COL8A2: variants seen among roughly 807,000 people sequenced by gnomAD.
The protein encoded by COL8A2 is collagen alpha-2(VIII) chain.
Under a neutral mutation model 24.0 loss-of-function variants are expected in COL8A2, and 16 were observed. The ratio of observed to expected loss-of-function variants is 0.67; its 90% confidence interval spans 0.45 to 1.01. COL8A2 has a LOEUF of 1.01. Among genes scored for constraint, COL8A2 ranks in the 50% least tolerant of loss-of-function variants. COL8A2 has a pLI of 0.00. For missense variants in COL8A2, 818 were observed against 942.4 expected (o/e 0.87, Z 1.73); for synonymous variants, 466 against 424.5 (o/e 1.10, Z -1.20).
chr1:36,104,096 C>T (rs146857517), intron 2 of COL8A2, among the ~76,000 whole-genome samples: 2 of 151,584 alleles, frequency 1.3e-5, no homozygotes, highest in Non-Finnish European at 2.9e-5. Context: ...TGGGGGGCTG[C>T]GGCAGGAGAA....
chr1:36,117,583 G>A (rs1643886016), intron 1 of COL8A2, among the ~76,000 whole-genome samples: 1 of 152,162 alleles, frequency 6.6e-6, no homozygotes, highest in Non-Finnish European at 1.5e-5. Context: ...TGTGTGCCAG[G>A]TACCGTTCTG....
At chr1:36,103,419 C>G (rs1643708213) in intron 2 of COL8A2, among the ~76,000 whole-genome samples, 2 of 152,120 alleles carry the variant, frequency 1.3e-5, no homozygotes, top group South Asian at 4.1e-4. Flanking sequence ...ACTACAGGCG[C>G]CCGCCAACAC....
intron 1 of COL8A2, among the ~76,000 whole-genome samples, chr1:36,119,533 C>T (rs1016091541): frequency 3.9e-5 from 6 of 152,244 alleles, no homozygotes; most frequent in African/African-American, 7.2e-5. Flanking sequence ...AATCCAGCCC[C>T]TGCTGCCGCT....
chr1:36,096,200 C>G lies in COL8A2; in HGVS notation c.*1369G>C, dbSNP rs953980683. The stretch of plus-strand genomic sequence containing the variant: ...TGCGGGGAAAGTGGCCATCTTTGCA[C>G]GAGCAGGAATGTCCACCACTCCCAG... On this transcript the variant is annotated 3_prime_UTR_variant, in exon 4 of 4. Coordinates refer to ENST00000397799, the MANE Select transcript of COL8A2 (RefSeq NM_005202.4). The G allele has an allele frequency of 6.6e-6, 1 of 152,322 alleles. No individual in the cohort carries two copies. Among genetic ancestry groups the G allele is most frequent in the Admixed American group, 6.5e-5 (1 of 15,286 alleles). The allele number at this position is 152,322 out of a possible 1,614,324, so 9.4% of individuals were successfully genotyped here.
In COL8A2 at chr1:36,098,442, A is replaced by T; in HGVS notation, c.1239T>A (p.Leu413=). 6.3e-7 allele frequency: 1 copy of T among 1,587,290 alleles called. No homozygotes were observed. Among genetic ancestry groups the T allele is most frequent in the Non-Finnish European group, 8.6e-7 (1 of 1,167,470 alleles). The change falls in exon 4 of 4, where the codon CTT becomes CTA. Residue 413 remains leucine (L), a synonymous_variant. Coordinates refer to ENST00000397799, the MANE Select transcript of COL8A2 (RefSeq NM_005202.4). ...GKPGVPGERG[L]PGAHGPPGPT... ...GTCCAGGGGGTCCATGGGCCCCAGG[A>T]AGTCCCCTCTCACCTGGGACCCCTG...
At chr1:36,099,982 T>G in intron 3 of COL8A2, 68 bp downstream of exon 3, 11 of 1,467,292 alleles carry the variant, frequency 7.5e-6, no homozygotes, top group Non-Finnish European at 1.0e-5. Flanking sequence ...ATCTGATGGC[T>G]CTCAGGGAGG....
intron 2 of COL8A2, among the ~76,000 whole-genome samples, chr1:36,114,129 T>C (rs1327782446): frequency 2.0e-5 from 3 of 149,084 alleles, no homozygotes; most frequent in Non-Finnish European, 3.0e-5. Context: ...CTATCCTGGC[T>C]AACATGGTGA....
intron 2 of COL8A2, among the ~76,000 whole-genome samples, chr1:36,100,498 C>A (rs1177523050): frequency 1.3e-5 from 2 of 152,136 alleles, no homozygotes; most frequent in African/African-American, 4.8e-5. Flanking sequence ...CCACCATCTC[C>A]GAGAGCCCAG....
At position 36,115,657 on chromosome 1, in the gene COL8A2, G is replaced by A. The variant is rs1289896276; in HGVS notation, c.-17+51C>T. Reference sequence around the variant, plus strand: ...TGAGGTTAGACAGCAATGAACACAGGCCTCATCTGGCCTGAGATATCAGAA... The same window carrying A: ...TGAGGTTAGACAGCAATGAACACAGACCTCATCTGGCCTGAGATATCAGAA... On this transcript the variant is annotated intron_variant, in intron 2 of 3. Coordinates refer to ENST00000397799, the MANE Select transcript of COL8A2 (RefSeq NM_005202.4). This position sits in a 1 kb window ranked among gnomAD's most constrained non-coding sequence, Gnocchi z 5.7. The A allele has an allele frequency of 1.1e-6, 1 of 948,328 alleles. No homozygotes were observed. The highest frequency in any genetic ancestry group is 1.8e-5 in the African/African-American group (1 of 56,464). 58.7% of individuals were successfully genotyped at this position (948,328 alleles called of 1,614,324 possible). A position where few individuals can be genotyped will look rare whatever the true frequency, so the allele number is the denominator to read the frequency against.
At chr1:36,099,554 A>C (rs1643643075) in intron 3 of COL8A2, 67 bp from the exon 4 acceptor site, 1 of 1,131,374 alleles carries the variant, frequency 8.8e-7, no homozygotes, top group Non-Finnish European at 1.3e-6. Context: ...CCATCTACCC[A>C]TTCCCCCATT....
In COL8A2 at chr1:36,097,475, T is replaced by G; in HGVS notation, c.*94A>C. 9.2e-7 allele frequency: 1 copy of G among 1,082,436 alleles called. No homozygotes were observed. The highest frequency in any genetic ancestry group is 1.4e-6 in the Non-Finnish European group (1 of 739,462). 67.1% of individuals were successfully genotyped at this position (1,082,436 alleles called of 1,614,324 possible). On this transcript the variant is annotated 3_prime_UTR_variant, in exon 4 of 4. Transcript: ENST00000397799. ...AAGGCCACGGCCGCCTCTGTTCAGC[T>G]TTTGTTTTTTTTTCCAGGAGGTTCT...
Position 36,098,637 on chromosome 1 carries a change from T to A in COL8A2, c.1044A>T (p.Pro348=). The A allele has an allele frequency of 5.0e-6, 8 of 1,611,022 alleles. No individual in the cohort carries two copies. The highest frequency in any genetic ancestry group is 6.8e-6 in the Non-Finnish European group (8 of 1,179,402). Residue 348 remains proline, a synonymous_variant, in exon 4 of 4, where the codon CCA becomes CCT. Coordinates refer to ENST00000397799, the MANE Select transcript of COL8A2 (RefSeq NM_005202.4). ...CAAGACCCTGTGGGCCCTGCTCCCC[T>A]GGCTCCCCATCCTCCCCTGGCTCAC... ...DRGEPGEDGE[P]GEQGPQGLGG... is the part of the protein sequence containing the mutation.
Position 36,123,343 on chromosome 1 carries a change from G to A in COL8A2, c.-62+1714C>T, listed in dbSNP as rs1459065924. Among the ~76,000 whole-genome samples the A allele has an allele frequency of 6.6e-6, 1 of 152,248 alleles. No individual in the cohort carries two copies. The highest frequency in any genetic ancestry group is 1.5e-5 in the Non-Finnish European group (1 of 68,050). On this transcript the variant is annotated intron_variant, in intron 1 of 3. Coordinates refer to ENST00000397799, the MANE Select transcript of COL8A2 (RefSeq NM_005202.4). The surrounding 1 kb of genome is among the most constrained non-coding windows in gnomAD (Gnocchi z 4.1). ...GCTGTGCGTCCTTTGTTCCGGCTCA[G>A]GCAGGAGCAGAGAAGGTAGTGGAGT...
At chr1:36,107,972 C>A (rs274760) in intron 2 of COL8A2, among the ~76,000 whole-genome samples, 13,869 of 152,168 alleles carry the variant, frequency 0.091, 809 homozygotes, top group East Asian at 0.21. Context: ...TAGCTCTCCA[C>A]CTCTTTCCAC....
intron 2 of COL8A2, among the ~76,000 whole-genome samples, chr1:36,102,804 T>C (rs1643698806): frequency 1.3e-5 from 2 of 150,748 alleles, no homozygotes; most frequent in African/African-American, 4.9e-5. Flanking sequence ...CCTGAGTAGC[T>C]GGGATTACAG....
intron 2 of COL8A2, among the ~76,000 whole-genome samples, chr1:36,109,581 C>CTTTTTTTTTT (rs10715688): frequency 7.1e-6 from 1 of 141,112 alleles, no homozygotes. Context: ...AGTAACCACT[C>CTTTTTTTTTT]TTTTTTTTTT....
chr1:36,122,520 C>T (rs1297717026), intron 1 of COL8A2, among the ~76,000 whole-genome samples: 1 of 152,182 alleles, frequency 6.6e-6, no homozygotes, highest in African/African-American at 2.4e-5. Context: ...GTCATCTCAA[C>T]TTATCAGACC....
Position 36,095,544 on chromosome 1 carries a change from G to A in COL8A2, c.*2025C>T, listed in dbSNP as rs1291534055. 1 of 152,162 alleles carries A rather than the reference G, an allele frequency of 6.6e-6. No individual in the cohort carries two copies. Among genetic ancestry groups the A allele is most frequent in the Non-Finnish European group, 1.5e-5 (1 of 68,040 alleles). 9.4% of individuals were successfully genotyped at this position (152,162 alleles called of 1,614,324 possible). A position where few individuals can be genotyped will look rare whatever the true frequency, so the allele number is the denominator to read the frequency against. ...TTGTTTATCAAAGCTAGTCAGTTAA[G>A]TGGACACCTGCAACTCAAATCCCAT... On this transcript the variant is annotated 3_prime_UTR_variant, in exon 4 of 4. Transcript: ENST00000397799.
chr1:36,099,911 G>A (rs1643648914), intron 3 of COL8A2, 139 bp downstream of exon 3: 4 of 819,086 alleles, frequency 4.9e-6, no homozygotes, highest in Non-Finnish European at 2.0e-6. Flanking sequence ...TGGGGTATTA[G>A]GAAAAACACT....
Sources: allele counts gnomAD v4.1 joint callset (sites outside exome capture counted in the v4.1 genomes callset), GRCh38; gene constraint gnomAD v4.1.1; non-coding constraint Gnocchi (gnomAD v3.1); transcripts MANE v1.5; gene names NCBI Gene and HGNC (gene_info 2026-07-23, HGNC 2026-07-21).